The following CEP128 variants were observed in gnomAD, a reference collection of about 807,000 sequenced individuals.
The protein encoded by CEP128 is centrosomal protein 128kDa.
CEP128 carries 132 observed loss-of-function variants against 156.7 expected under a neutral mutation model. The observed-to-expected ratio is 0.84, with a 90% CI of 0.73 to 0.97. The LOEUF is 0.97. Ranked by LOEUF, CEP128 falls within the 50% of genes least tolerant of loss-of-function variation. CEP128 has a pLI of 0.00. For synonymous variants in CEP128, 469 were observed against 448.9 expected (o/e 1.04, Z -0.57); for missense variants, 1,252 against 1,281.9 (o/e 0.98, Z 0.36).
intron 19 of CEP128, among the ~76,000 whole-genome samples, chr14:80,706,868 T>C (rs1897254338): frequency 6.6e-6 from 1 of 152,152 alleles, no homozygotes; most frequent in Non-Finnish European, 1.5e-5. Context: ...GAATTCTTTC[T>C]TCCAGTTTGT....
intron 19 of CEP128, among the ~76,000 whole-genome samples, chr14:80,681,287 G>C (rs1304969545): frequency 1.3e-5 from 2 of 152,148 alleles, no homozygotes; most frequent in East Asian, 3.8e-4. Context: ...ACAAAAAGTA[G>C]AAATGTCAGC....
chr14:80,531,851 A>G (rs1889240168), intron 21 of CEP128, among the ~76,000 whole-genome samples: 1 of 152,102 alleles, frequency 6.6e-6, no homozygotes. Context: ...GTTCTGAACA[A>G]TGGACTCTGA....
At chr14:80,603,886 TC>T (rs2140544426) in intron 19 of CEP128, among the ~76,000 whole-genome samples, 1 of 152,248 alleles carries the variant, frequency 6.6e-6, no homozygotes, top group East Asian at 1.9e-4. Flanking sequence ...TGCTTCTCCC[TC>T]CCCATACCTT....
intron 19 of CEP128, among the ~76,000 whole-genome samples, chr14:80,725,152 AG>A (rs1187639954): frequency 6.7e-6 from 1 of 149,640 alleles, no homozygotes; most frequent in African/African-American, 2.5e-5. Context: ...TCTCGAGTTT[AG>A]GTTTACTCTT....
intron 4 of CEP128, among the ~76,000 whole-genome samples, chr14:80,912,685 C>A (rs1404480600): frequency 3.3e-5 from 5 of 151,786 alleles, no homozygotes; most frequent in Non-Finnish European, 7.4e-5. Context: ...TAGTAGAAAC[C>A]CTTATGAGAG....
intron 21 of CEP128, among the ~76,000 whole-genome samples, chr14:80,552,701 T>C (rs1392787627): frequency 6.6e-6 from 1 of 152,332 alleles, no homozygotes; most frequent in South Asian, 2.1e-4. Context: ...TCTTTTTCAA[T>C]AGAGATGCTT....
At chr14:80,843,703 T>C (rs542695676) in intron 9 of CEP128, among the ~76,000 whole-genome samples, 1 of 152,196 alleles carries the variant, frequency 6.6e-6, no homozygotes, top group South Asian at 2.1e-4. Flanking sequence ...GAGCTATAAA[T>C]TGAAGTTACA....
chr14:80,674,672 A>G (rs559392696), intron 19 of CEP128, among the ~76,000 whole-genome samples: 2 of 151,878 alleles, frequency 1.3e-5, no homozygotes, highest in South Asian at 4.1e-4. Context: ...TATGTATAAC[A>G]GTACATGTGT....
At chr14:80,719,561 C>T (rs572527931) in intron 19 of CEP128, among the ~76,000 whole-genome samples, 1 of 152,230 alleles carries the variant, frequency 6.6e-6, no homozygotes, top group African/African-American at 2.4e-5. Flanking sequence ...CAGACTAGAT[C>T]ACATCTCTTA....
At chr14:80,785,637 C>T in intron 14 of CEP128, 92 bp from the exon 15 acceptor site, 1 of 926,472 alleles carries the variant, frequency 1.1e-6, no homozygotes, top group Non-Finnish European at 1.5e-6. Context: ...CAATGTTTAA[C>T]CCACAAGGAA....
chr14:80,511,852 G>C (rs948830904), intron 23 of CEP128, among the ~76,000 whole-genome samples: 3 of 151,898 alleles, frequency 2.0e-5, no homozygotes, highest in African/African-American at 7.2e-5. Flanking sequence ...TGATCCACTG[G>C]TCATTCAAGA....
At chr14:80,479,990 G>T (rs1309877637) in intron 14 of CEP128, among the ~76,000 whole-genome samples, 2 of 152,230 alleles carry the variant, frequency 1.3e-5, no homozygotes, top group Non-Finnish European at 2.9e-5. Context: ...GATGCAAGAG[G>T]TGTGTTGCCA....
chr14:80,701,451 C>T (rs1234885351), intron 19 of CEP128, among the ~76,000 whole-genome samples: 3 of 152,096 alleles, frequency 2.0e-5, no homozygotes, highest in African/African-American at 7.2e-5. Context: ...AGACTACAAC[C>T]AGACAAATGC....
intron 19 of CEP128, among the ~76,000 whole-genome samples, chr14:80,582,700 CAG>C (rs1427756356): frequency 1.3e-5 from 2 of 151,958 alleles, no homozygotes; most frequent in African/African-American, 4.8e-5. Context: ...GGACATCAGA[CAG>C]GCCAAAACAA....
chr14:80,936,517 A>G (rs1304541673), intron 2 of CEP128, among the ~76,000 whole-genome samples: 1 of 152,260 alleles, frequency 6.6e-6, no homozygotes, highest in Non-Finnish European at 1.5e-5. Context: ...CCCAAGCACT[A>G]GCATTATAGA....
intron 19 of CEP128, among the ~76,000 whole-genome samples, chr14:80,738,681 T>C (rs1186393325): frequency 6.6e-6 from 1 of 152,094 alleles, no homozygotes; most frequent in East Asian, 1.9e-4. Flanking sequence ...TTATACTATA[T>C]TGTTATAATT....
intron 15 of CEP128, among the ~76,000 whole-genome samples, chr14:80,780,872 C>G (rs1901071723): frequency 6.6e-6 from 1 of 152,158 alleles, no homozygotes; most frequent in Non-Finnish European, 1.5e-5. Flanking sequence ...ATGCCTGTCC[C>G]TCTGGAGACT....
intron 19 of CEP128, among the ~76,000 whole-genome samples, chr14:80,658,201 C>A (rs1895256514): frequency 6.6e-6 from 1 of 152,190 alleles, no homozygotes; most frequent in Non-Finnish European, 1.5e-5. Flanking sequence ...GATCTGACAT[C>A]GCTTATGGGC....
chr14:80,626,412 C>T lies in CEP128; in HGVS notation c.2807-45989G>A, dbSNP rs544029496. On this transcript the variant is annotated intron_variant, in intron 19 of 24. Transcript: ENST00000555265. Reference sequence around the variant, plus strand: ...CCGGGAAGCGGAGCTTGCAGTGAGCCGAGATTGCGCCACTGCAGTCCACAG... The same window carrying T: ...CCGGGAAGCGGAGCTTGCAGTGAGCTGAGATTGCGCCACTGCAGTCCACAG... Among the ~76,000 whole-genome samples the T allele has an allele frequency of 4.5e-3, 622 of 138,988 alleles. 9 individuals carry two copies. The highest frequency in any genetic ancestry group is 0.016 in the African/African-American group (583 of 35,934). The allele number at this position is 138,988 out of a possible 152,430, so 91.2% of individuals were successfully genotyped here.
Sources: allele counts gnomAD v4.1 joint callset (sites outside exome capture counted in the v4.1 genomes callset), GRCh38; gene constraint gnomAD v4.1.1; transcripts MANE v1.5; gene names NCBI Gene and HGNC (gene_info 2026-07-23, HGNC 2026-07-21).